The following SEMA5A variants were observed in gnomAD, a reference collection of about 807,000 sequenced individuals.
SEMA5A encodes the protein semaphorin 5A, also known as semaphorin-5A.
A neutral mutation model predicts 135.5 loss-of-function variants in SEMA5A; 55 were observed. The ratio of observed to expected loss-of-function variants is 0.41; its 90% confidence interval spans 0.33 to 0.51. The LOEUF (loss-of-function observed/expected upper bound fraction) is 0.51, where lower values mean the gene tolerates loss of function less well. Ranked by LOEUF, SEMA5A falls within the 20% of genes least tolerant of loss-of-function variation. The probability of loss-of-function intolerance (pLI) is 0.37; values close to 1 mark genes in which losing one functional copy is unlikely to be tolerated. For missense variants in SEMA5A, 1,290 were observed against 1,419.9 expected (o/e 0.91, Z 1.47); for synonymous variants, 580 against 546.5 (o/e 1.06, Z -0.85).
chr5:9,514,522 G>A (rs770956252), intron 1 of SEMA5A, among the ~76,000 whole-genome samples: 9 of 152,182 alleles, frequency 5.9e-5, no homozygotes, highest in Non-Finnish European at 1.3e-4. Flanking sequence ...TCATGTCCCT[G>A]ATATGTAATA....
chr5:9,270,560 G>A (rs75609391), intron 5 of SEMA5A, among the ~76,000 whole-genome samples: 36 of 152,136 alleles, frequency 2.4e-4, no homozygotes, highest in South Asian at 4.2e-4. Context: ...TACTGAGAGC[G>A]GGGGAAAGTC....
At chr5:9,043,783 AG>A (rs1736091101) in intron 22 of SEMA5A, among the ~76,000 whole-genome samples, 1 of 152,248 alleles carries the variant, frequency 6.6e-6, no homozygotes, top group Non-Finnish European at 1.5e-5. Flanking sequence ...TTATCTTAAA[AG>A]TGGCTGCTGA....
At chr5:9,209,338 G>A (rs1461163388) in intron 8 of SEMA5A, among the ~76,000 whole-genome samples, 1 of 152,082 alleles carries the variant, frequency 6.6e-6, no homozygotes, top group African/African-American at 2.4e-5. Context: ...ATCATTTCAT[G>A]AATATTTCTG....
At chr5:9,199,292 CCT>C (rs1745578100) in intron 9 of SEMA5A, among the ~76,000 whole-genome samples, 1 of 152,136 alleles carries the variant, frequency 6.6e-6, no homozygotes, top group African/African-American at 2.4e-5. Context: ...CTTCCTGTCC[CCT>C]GTGCCATCCC....
chr5:9,484,317 T>C (rs1021903306), intron 1 of SEMA5A, among the ~76,000 whole-genome samples: 1 of 152,208 alleles, frequency 6.6e-6, no homozygotes, highest in African/African-American at 2.4e-5. Context: ...CATGATTTCC[T>C]TGGCCTCCCA....
intron 11 of SEMA5A, among the ~76,000 whole-genome samples, chr5:9,181,492 G>GC (rs145191398): frequency 1.2e-3 from 187 of 152,074 alleles, no homozygotes; most frequent in African/African-American, 4.4e-3. Flanking sequence ...TCAATTGGCA[G>GC]CCCCCCTGGC....
intron 2 of SEMA5A, among the ~76,000 whole-genome samples, chr5:9,413,575 G>T (rs1757178681): frequency 1.3e-5 from 2 of 152,176 alleles, no homozygotes; most frequent in African/African-American, 4.8e-5. Context: ...TGAAAAGAAT[G>T]ATAAGGCCTG....
Position 9,044,469 on chromosome 5 carries a change from C to T in SEMA5A, c.3009G>A (p.Ala1003=), listed in dbSNP as rs373149431. Residue 1003 remains alanine (A), a synonymous_variant, in exon 22 of 23, where the codon GCG becomes GCA. Coordinates refer to ENST00000382496, the MANE Select transcript of SEMA5A (RefSeq NM_003966.3). ...CAGGTGAGACGGGGTGGATGACAGT[C>T]GCATCGTGGGATTGCTGCTGGTACC... is the stretch of plus-strand genomic sequence containing the variant. ...CQRYQQQSHD[A]TVIHPVSPAP... The T allele has an allele frequency of 8.7e-6, 14 of 1,613,808 alleles. No individual in the cohort carries two copies. Among genetic ancestry groups the T allele is most frequent in the Non-Finnish European group, 1.1e-5 (13 of 1,180,012 alleles).
chr5:9,089,745 C>T (rs1173472637), intron 16 of SEMA5A, among the ~76,000 whole-genome samples: 1 of 152,194 alleles, frequency 6.6e-6, no homozygotes, highest in Non-Finnish European at 1.5e-5. Context: ...AACCTTTCAT[C>T]ACTAAGTATG....
chr5:9,356,047 A>T (rs999654318), intron 3 of SEMA5A, among the ~76,000 whole-genome samples: 3 of 152,046 alleles, frequency 2.0e-5, no homozygotes, highest in Admixed American at 6.6e-5. Flanking sequence ...TCCCAATTGG[A>T]TTCTGTTTCT....
intron 11 of SEMA5A, among the ~76,000 whole-genome samples, chr5:9,168,899 C>T (rs1217285796): frequency 6.6e-6 from 1 of 152,138 alleles, no homozygotes; most frequent in African/African-American, 2.4e-5. Context: ...CATTCTTGTT[C>T]TAAAATCATA....
intron 2 of SEMA5A, among the ~76,000 whole-genome samples, chr5:9,385,260 T>C (rs1416489983): frequency 6.6e-6 from 1 of 152,136 alleles, no homozygotes; most frequent in African/African-American, 2.4e-5. Context: ...ACGCTACAAC[T>C]GAAACTGAAT....
chr5:9,044,339 C>A (rs779116379), intron 22 of SEMA5A, 34 bp downstream of exon 22: 2 of 1,567,268 alleles, frequency 1.3e-6, no homozygotes, highest in Admixed American at 3.3e-5. Flanking sequence ...TAAGGAAAAC[C>A]AGGCACTTAG....
intron 5 of SEMA5A, among the ~76,000 whole-genome samples, chr5:9,281,195 A>T (rs1170560198): frequency 1.3e-5 from 2 of 152,264 alleles, no homozygotes; most frequent in African/African-American, 4.8e-5. Flanking sequence ...ATGTATCTTT[A>T]CTTCTATAGG....
intron 11 of SEMA5A, among the ~76,000 whole-genome samples, chr5:9,173,693 A>T (rs2150312241): frequency 6.6e-6 from 1 of 152,288 alleles, no homozygotes; most frequent in African/African-American, 2.4e-5. Context: ...TTCAATCTGG[A>T]GGGACACAGG....
intron 3 of SEMA5A, among the ~76,000 whole-genome samples, chr5:9,374,622 CGTGTGTGTGTGTGT>C (rs3086524): frequency 2.0e-5 from 3 of 147,136 alleles, no homozygotes; most frequent in Non-Finnish European, 3.0e-5. Flanking sequence ...CACAAGACAT[CGTGTGTGTGTGTGT>C]GTGTGTGTGT....
chr5:9,154,103 G>GTGTGTA (rs1170597167), intron 12 of SEMA5A, among the ~76,000 whole-genome samples: 5 of 117,156 alleles, frequency 4.3e-5, no homozygotes, highest in South Asian at 2.8e-4. Context: ...ATGTGTGTGT[G>GTGTGTA]TGTATGTGTG....
intron 4 of SEMA5A, among the ~76,000 whole-genome samples, chr5:9,337,268 G>C (rs773830270): frequency 6.6e-6 from 1 of 152,216 alleles, no homozygotes; most frequent in Non-Finnish European, 1.5e-5. Flanking sequence ...TGGATCTCTA[G>C]AATCCTACTG....
intron 5 of SEMA5A, among the ~76,000 whole-genome samples, chr5:9,262,917 AAAAAG>A (rs1749474729): frequency 6.7e-6 from 1 of 149,314 alleles, no homozygotes; most frequent in East Asian, 1.9e-4. Context: ...AATTAAAAAA[AAAAAG>A]AAAATATATT....
Sources: gnomAD v4.1 joint callset for allele counts (sites outside exome capture counted in the v4.1 genomes callset) on GRCh38, gnomAD v4.1.1 for gene constraint, MANE v1.5 for transcripts, NCBI Gene and HGNC (gene_info 2026-07-23, HGNC 2026-07-21) for gene names.